Variants in ANXA10 observed in about 807,000 individuals in gnomAD.
The protein encoded by ANXA10 is annexin 14.
ANXA10 carries 49 observed loss-of-function variants against 53.5 expected under a neutral mutation model. That is an observed-to-expected ratio of 0.92 (90% CI 0.73 to 1.16). ANXA10 has a LOEUF of 1.16. Ranked by LOEUF, ANXA10 falls within the 50% of genes most tolerant of loss-of-function variation. ANXA10 has a pLI of 0.00. For missense variants in ANXA10, 393 were observed against 394.4 expected, an observed-to-expected ratio of 1.00 and a Z score of 0.03; for synonymous variants, 131 against 128.9, an observed-to-expected ratio of 1.02 and a Z score of -0.11.
chr4:168,142,936 A>C (rs1297415237), intron 3 of ANXA10, among the ~76,000 whole-genome samples: 1 of 152,144 alleles, frequency 6.6e-6, no homozygotes, highest in Non-Finnish European at 1.5e-5. Context: ...CAGGGATTGT[A>C]ATATTTGCTG....
chr4:168,127,487 G>A (rs755394618), intron 1 of ANXA10, among the ~76,000 whole-genome samples: 2 of 151,976 alleles, frequency 1.3e-5, no homozygotes, highest in Admixed American at 6.6e-5. Context: ...TGAATGAAAC[G>A]AATCCCACCA....
chr4:168,165,119 A>T (rs1731851252), intron 5 of ANXA10, 128 bp from the exon 6 acceptor site: 3 of 457,316 alleles, frequency 6.6e-6, no homozygotes, highest in Non-Finnish European at 1.2e-5. Flanking sequence ...TTGACAAAGA[A>T]ATGTCAACAG....
intron 2 of ANXA10, 67 bp downstream of exon 2, chr4:168,128,232 T>C: frequency 1.6e-6 from 2 of 1,227,638 alleles, no homozygotes; most frequent in Non-Finnish European, 2.3e-6. Flanking sequence ...TTTAAGACTA[T>C]ACTGTGGGTA....
chr4:168,155,156 T>C (rs553092017), intron 3 of ANXA10, among the ~76,000 whole-genome samples: 28 of 151,354 alleles, frequency 1.8e-4, no homozygotes, highest in South Asian at 1.5e-3. Flanking sequence ...CTTTGCCTGA[T>C]CAAATCCCAC....
chr4:168,127,733 C>T (rs760008629), intron 1 of ANXA10: 4 of 484,980 alleles, frequency 8.2e-6, no homozygotes, highest in East Asian at 1.1e-4. Context: ...GTTTGTTTAA[C>T]AGGCCTTGTG....
At chr4:168,122,840 C>T (rs114577236) in intron 1 of ANXA10, among the ~76,000 whole-genome samples, 2,008 of 152,194 alleles carry the variant, frequency 0.013, 44 homozygotes, top group African/African-American at 0.046. Flanking sequence ...GGCCCCACCT[C>T]CAACACTGGA....
chr4:168,094,940 G>C (rs1730517962), intron 1 of ANXA10, among the ~76,000 whole-genome samples: 1 of 152,050 alleles, frequency 6.6e-6, no homozygotes, highest in African/African-American at 2.4e-5. Flanking sequence ...TTATGTGCTT[G>C]ACTGTAAGAC....
Position 168,177,799 on chromosome 4 carries a change from T to A in ANXA10, c.534+6T>A, listed in dbSNP as rs1322578822. The A allele has an allele frequency of 3.7e-6, 6 of 1,614,050 alleles. No individual in the cohort carries two copies. Among genetic ancestry groups the A allele is most frequent in the Non-Finnish European group, 5.1e-6 (6 of 1,180,022 alleles). On this transcript the variant is annotated splice_donor_region_variant and intron_variant, in intron 7 of 11. Coordinates refer to ENST00000359299, the MANE Select transcript of ANXA10 (RefSeq NM_007193.5). ...TGGCTGCTCAGGATGCAATGGTAAC[T>A]AGAACCAGTTCTCAGACTGACTGCA... is the stretch of plus-strand genomic sequence containing the variant.
chr4:168,120,111 C>T (rs1447574774), intron 1 of ANXA10, among the ~76,000 whole-genome samples: 1 of 151,716 alleles, frequency 6.6e-6, no homozygotes, highest in East Asian at 1.9e-4. Context: ...TTTACAGCAA[C>T]TCATGAAAGA....
intron 1 of ANXA10, among the ~76,000 whole-genome samples, chr4:168,118,739 T>G (rs902966630): frequency 4.6e-5 from 7 of 152,172 alleles, no homozygotes; most frequent in Admixed American, 3.3e-4. Context: ...TATGTGTGTA[T>G]ATATATTTTT....
At position 168,181,573 on chromosome 4, in the gene ANXA10, C is replaced by T; in HGVS notation, c.725-110C>T. ...ACCATTATTCTAAGTGTTGACCTTA[C>T]AATACAATGTAAGAATTGTAACAGG... On this transcript the variant is annotated intron_variant, in intron 9 of 11. Coordinates refer to ENST00000359299, the MANE Select transcript of ANXA10 (RefSeq NM_007193.5). 3 of 886,448 alleles carry T rather than the reference C, an allele frequency of 3.4e-6. No homozygotes were observed. In the South Asian group the frequency reaches 4.1e-5, roughly 12 times the overall value. The allele number at this position is 886,448 out of a possible 1,614,324, so 54.9% of individuals were successfully genotyped here. A position where few individuals can be genotyped will look rare whatever the true frequency, so the allele number is the denominator to read the frequency against.
At chr4:168,142,502 G>GC (rs765173769) in intron 3 of ANXA10, among the ~76,000 whole-genome samples, 5 of 152,052 alleles carry the variant, frequency 3.3e-5, no homozygotes, top group Non-Finnish European at 7.4e-5. Flanking sequence ...AGACCTCACA[G>GC]CCCCCCACCA....
Position 168,181,653 on chromosome 4 carries a change from G to A in ANXA10, c.725-30G>A, listed in dbSNP as rs761244276. 2.6e-6 allele frequency: 4 copies of A among 1,554,464 alleles called. No homozygotes were observed. The African/African-American group carries it at 4.1e-5, about 16-fold the overall frequency. On this transcript the variant is annotated intron_variant, in intron 9 of 11. Coordinates refer to ENST00000359299, the MANE Select transcript of ANXA10 (RefSeq NM_007193.5). ...GAAAATATATGTTTTCACTCTCAAT[G>A]TTTCTTCTTCTCTCTCTGATTTCTC...
At position 168,155,899 on chromosome 4, in the gene ANXA10, TATATCATATATTATATTATATATC is replaced by T. The variant is rs1560784030; in HGVS notation, c.196-6624_196-6601del. Among the ~76,000 whole-genome samples, 102 of 27,878 alleles carry T rather than the reference TATATCATATATTATATTATATATC, an allele frequency of 3.7e-3. 6 individuals are homozygous for T. Among genetic ancestry groups the T allele is most frequent in the African/African-American group, 0.019 (97 of 5,236 alleles). 18.3% of individuals were successfully genotyped at this position (27,878 alleles called of 152,430 possible). ...ATTATATGTTATATATAATATATGA[TATATCATATATTATATTATATATC>T]ATATATTATATGTTATATATAATAT... On this transcript the variant is annotated intron_variant, in intron 3 of 11. Transcript: ENST00000359299.
intron 8 of ANXA10, 150 bp from the exon 9 acceptor site, chr4:168,179,067 G>A (rs1560792711): frequency 5.6e-6 from 3 of 538,096 alleles, no homozygotes; most frequent in Non-Finnish European, 9.9e-6. Context: ...ATTTGTATTT[G>A]TTTCAATGGT....
chr4:168,107,069 G>A (rs1036135128), intron 1 of ANXA10, among the ~76,000 whole-genome samples: 12 of 152,094 alleles, frequency 7.9e-5, no homozygotes, highest in African/African-American at 2.9e-4. Context: ...GGTTAGTTGA[G>A]AGCCTCTTCA....
At chr4:168,120,894 C>A (rs183317447) in intron 1 of ANXA10, among the ~76,000 whole-genome samples, 2 of 151,820 alleles carry the variant, frequency 1.3e-5, no homozygotes, top group Non-Finnish European at 2.9e-5. Context: ...TAGTATTTAT[C>A]CCAAATTGCA....
chr4:168,155,457 T>TTATAATATATAATTATAAATTATATATTA (rs1560783242), intron 3 of ANXA10, among the ~76,000 whole-genome samples: 284 of 18,140 alleles, frequency 0.016, 23 homozygotes, highest in African/African-American at 0.11. Flanking sequence ...ATTATATATT[T>TTATAATATATAATTATAAATTATATATTA]TATAATATAT....
At chr4:168,141,016 C>A (rs866140367) in intron 3 of ANXA10, among the ~76,000 whole-genome samples, 1 of 152,140 alleles carries the variant, frequency 6.6e-6, no homozygotes, top group Non-Finnish European at 1.5e-5. Context: ...GAAAACATTA[C>A]TTTATCAAGC....
Sources: allele counts gnomAD v4.1 joint callset (sites outside exome capture counted in the v4.1 genomes callset), GRCh38; gene constraint gnomAD v4.1.1; transcripts MANE v1.5; gene names NCBI Gene and HGNC (gene_info 2026-07-23, HGNC 2026-07-21).